TRAF3IP1: variants seen among roughly 807,000 people sequenced by gnomAD.
TRAF3IP1 encodes TRAF3-interacting protein 1.
Under a neutral mutation model 89.9 loss-of-function variants are expected in TRAF3IP1, and 53 were observed. The observed-to-expected ratio is 0.59, with a 90% CI of 0.47 to 0.74. The LOEUF (loss-of-function observed/expected upper bound fraction) is 0.74, where lower values mean the gene tolerates loss of function less well. TRAF3IP1 is among the 30% of genes least tolerant of loss of function. The pLI, the probability that TRAF3IP1 is intolerant of heterozygous loss-of-function variation, is 0.00. For missense variants in TRAF3IP1, 806 were observed against 866.1 expected, an observed-to-expected ratio of 0.93 and a Z score of 0.87; for synonymous variants, 311 against 322.1, an observed-to-expected ratio of 0.97 and a Z score of 0.37.
chr2:238,388,317 G>A (rs1389420076), intron 15 of TRAF3IP1, among the ~76,000 whole-genome samples: 4 of 150,082 alleles, frequency 2.7e-5, no homozygotes, highest in Non-Finnish European at 4.4e-5. Context: ...GGAAGTTGCA[G>A]TGAGCTGAGA....
chr2:238,356,776 A>G (rs1349452270), intron 15 of TRAF3IP1, among the ~76,000 whole-genome samples: 1 of 146,294 alleles, frequency 6.8e-6, no homozygotes, highest in Non-Finnish European at 1.5e-5. Context: ...AGAGACTGGG[A>G]ATTTTTTTTT....
Position 238,351,854 on chromosome 2 carries a change from TGTGTGTGTGTGTGC to T in TRAF3IP1, c.1452-971_1452-958del, listed in dbSNP as rs1205121957. ...ATTTTGGTGTGTGTGTGTGTGTGTGTGTGTGTGTGTGTGCGCGCGCGCGCGTGTGCGTGCATGTG... is the reference window on the plus strand; with the variant it reads ...ATTTTGGTGTGTGTGTGTGTGTGTGTGCGCGCGCGCGTGTGCGTGCATGTG... On this transcript the variant is annotated intron_variant, in intron 12 of 16. Coordinates refer to ENST00000373327, the MANE Select transcript of TRAF3IP1 (RefSeq NM_015650.4). The surrounding 1 kb of genome is among the most constrained non-coding windows in gnomAD (Gnocchi z 5.2). Among the ~76,000 whole-genome samples the T allele has an allele frequency of 1.5e-4, 17 of 116,308 alleles. No homozygotes were observed. Among genetic ancestry groups the T allele is most frequent in the Admixed American group, 8.7e-4 (11 of 12,600 alleles). The allele number at this position is 116,308 out of a possible 152,430, so 76.3% of individuals were successfully genotyped here.
At position 238,349,364 on chromosome 2, in the gene TRAF3IP1, C is replaced by G. The variant is rs548950530; in HGVS notation, c.1407C>G (p.Pro469=). 3.4e-4 allele frequency: 545 copies of G among 1,614,142 alleles called. 7 individuals are homozygous for G. In the South Asian group the frequency reaches 5.8e-3, roughly 17 times the overall value. ...CTGGGAGTGCAAGACCAGCCCCTCCCCGGGTCAAACGGCAAGACAGCATGG... is the reference window on the plus strand; with the variant it reads ...CTGGGAGTGCAAGACCAGCCCCTCCGCGGGTCAAACGGCAAGACAGCATGG... ...PRPGSARPAP[P]RVKRQDSMEA... The change falls in exon 12 of 17, where the codon CCC becomes CCG. Residue 469 remains proline, a synonymous_variant. Coordinates refer to ENST00000373327, the MANE Select transcript of TRAF3IP1 (RefSeq NM_015650.4).
rs1177392173 is a variant in TRAF3IP1 at position 238,352,993 on chromosome 2, A to C, written c.1575+43A>C. On this transcript the variant is annotated intron_variant, in intron 13 of 16. Coordinates refer to ENST00000373327, the MANE Select transcript of TRAF3IP1 (RefSeq NM_015650.4). ...TGATGTTTTTTAATAATAATGTTTT[A>C]CCTTCATTGAGATTAATAGTCTAGC... is the stretch of plus-strand genomic sequence containing the variant. 4 of 1,575,118 alleles carry C rather than the reference A, an allele frequency of 2.5e-6. No homozygotes were observed. The African/African-American group carries it at 4.1e-5, about 16-fold the overall frequency.
At chr2:238,389,054 T>G (rs779519485) in intron 15 of TRAF3IP1, among the ~76,000 whole-genome samples, 18 of 152,074 alleles carry the variant, frequency 1.2e-4, no homozygotes, top group Non-Finnish European at 2.6e-4. Context: ...CTACAATTAA[T>G]CAGGCTTTTG....
intron 15 of TRAF3IP1, among the ~76,000 whole-genome samples, chr2:238,371,116 A>T (rs1350728566): frequency 6.6e-6 from 1 of 152,258 alleles, no homozygotes; most frequent in Non-Finnish European, 1.5e-5. Context: ...GATCTCAGTT[A>T]ATGCGACATT....
chr2:238,329,035 A>G lies in TRAF3IP1; in HGVS notation c.608A>G (p.Lys203Arg). Residue 203 changes from lysine (K) to arginine (R), a missense_variant, in exon 5 of 17, where the codon AAG (lysine) becomes AGG (arginine). By Grantham distance (26) the Lys-to-Arg change is conservative (BLOSUM62 2). Around this residue, in one of 3 missense-constraint regions of TRAF3IP1, gnomAD observed 732 missense variants for 780.5 expected, o/e 0.94. Transcript: ENST00000373327. Reference protein sequence around the residue: ...KPREKDKDKEKAKENGGNRHR... With the variant: ...KPREKDKDKERAKENGGNRHR... Reference sequence around the variant, plus strand: ...AGAGAAAAGGACAAGGACAAGGAGAAGGCCAAGGAGAATGGCGGAAACAGA... The same window carrying G: ...AGAGAAAAGGACAAGGACAAGGAGAGGGCCAAGGAGAATGGCGGAAACAGA... 1.9e-6 allele frequency: 3 copies of G among 1,551,840 alleles called. No homozygotes were observed. The highest frequency in any genetic ancestry group is 2.6e-6 in the Non-Finnish European group (3 of 1,147,094).
intron 15 of TRAF3IP1, among the ~76,000 whole-genome samples, chr2:238,369,646 G>C (rs1299231941): frequency 6.6e-6 from 1 of 152,182 alleles, no homozygotes; most frequent in Non-Finnish European, 1.5e-5. Context: ...GCGTCTTGCT[G>C]AGTGGTTCAA....
chr2:238,359,022 G>A (rs1233213892), intron 15 of TRAF3IP1, among the ~76,000 whole-genome samples: 5 of 152,204 alleles, frequency 3.3e-5, no homozygotes, highest in Admixed American at 2.0e-4. Flanking sequence ...GAATGCAGCC[G>A]CAGCATTAGA....
At chr2:238,331,268 G>A (rs1288097769) in intron 5 of TRAF3IP1, among the ~76,000 whole-genome samples, 1 of 148,752 alleles carries the variant, frequency 6.7e-6, no homozygotes, top group East Asian at 2.0e-4. Context: ...AGACCATCCT[G>A]GCCAACACGG....
chr2:238,383,879 C>T, intron 15 of TRAF3IP1, among the ~76,000 whole-genome samples: 1 of 152,216 alleles, frequency 6.6e-6, no homozygotes, highest in South Asian at 2.1e-4. Flanking sequence ...AGTCCGTTTA[C>T]ACTTAGTGCA....
chr2:238,380,135 T>C (rs1700484343), intron 15 of TRAF3IP1, among the ~76,000 whole-genome samples: 1 of 152,166 alleles, frequency 6.6e-6, no homozygotes, highest in African/African-American at 2.4e-5. Context: ...AGAGAGTGTT[T>C]CTGAAATGCT....
rs1322814318 is a variant in TRAF3IP1, at chr2:238,344,605, A to G, written c.1261+7A>G. 2 of 1,612,990 alleles carry G rather than the reference A, an allele frequency of 1.2e-6. No individual in the cohort carries two copies. The highest frequency in any genetic ancestry group is 2.2e-5 in the East Asian group (1 of 44,902). On this transcript the variant is annotated splice_region_variant and intron_variant, in intron 9 of 16. Transcript: ENST00000373327. ...CCCACAGAGAAGCAGAAAGGTAAGAATGGTCCAGTTTCGCCCTTTCCTGGC... is the reference window on the plus strand; with the variant it reads ...CCCACAGAGAAGCAGAAAGGTAAGAGTGGTCCAGTTTCGCCCTTTCCTGGC...
chr2:238,339,086 G>C (rs1399945085), intron 8 of TRAF3IP1, among the ~76,000 whole-genome samples: 1 of 152,106 alleles, frequency 6.6e-6, no homozygotes, highest in African/African-American at 2.4e-5. Flanking sequence ...ATTTTTGCTG[G>C]GCCCAACTTG....
intron 15 of TRAF3IP1, among the ~76,000 whole-genome samples, chr2:238,377,230 CTTTTTTTTTT>C (rs71402784): frequency 1.5e-4 from 13 of 86,708 alleles, no homozygotes; most frequent in East Asian, 7.1e-4. Flanking sequence ...TCCTGATTTT[CTTTTTTTTTT>C]TTTTTTTTTT....
intron 4 of TRAF3IP1, 27 bp downstream of exon 4, chr2:238,328,856 A>C: frequency 6.2e-7 from 1 of 1,601,598 alleles, no homozygotes; most frequent in Non-Finnish European, 8.5e-7. Flanking sequence ...ACATCTTTGA[A>C]AATGAAATAG....
In TRAF3IP1 at chr2:238,351,748, C is replaced by T. The variant is rs1007137433; in HGVS notation, c.1452-1079C>T. ...TTGAGGAAGTCGAGGATGTTTGGGG[C>T]AATGGGTGTTATTTTCAGAGGTCGT... is the stretch of plus-strand genomic sequence containing the variant. On this transcript the variant is annotated intron_variant, in intron 12 of 16. Coordinates refer to ENST00000373327, the MANE Select transcript of TRAF3IP1 (RefSeq NM_015650.4). This position sits in a 1 kb window ranked among gnomAD's most constrained non-coding sequence, Gnocchi z 5.2. Among the ~76,000 whole-genome samples the T allele has an allele frequency of 4.6e-5, 7 of 152,144 alleles. No homozygotes were observed. In the East Asian group the frequency reaches 1.4e-3, roughly 29 times the overall value.
At chr2:238,364,278 A>G (rs1006101174) in intron 15 of TRAF3IP1, among the ~76,000 whole-genome samples, 5 of 152,224 alleles carry the variant, frequency 3.3e-5, no homozygotes, top group African/African-American at 1.2e-4. Context: ...GGACTTGAAT[A>G]ATACATTATA....
In TRAF3IP1 at chr2:238,325,879, T is replaced by A. The variant is rs137999499; in HGVS notation, c.263T>A (p.Leu88Gln). 2.6e-4 allele frequency: 420 copies of A among 1,614,106 alleles called. No individual in the cohort carries two copies. Among genetic ancestry groups the A allele is most frequent in the Non-Finnish European group, 3.3e-4 (392 of 1,180,034 alleles). The change falls in exon 3 of 17, where the codon CTG becomes CAG. Residue 88 changes from leucine (L) to glutamine (Q), a missense_variant. Coordinates refer to ENST00000373327, the MANE Select transcript of TRAF3IP1 (RefSeq NM_015650.4). The part of the protein sequence containing the change: ...DVVVMVSGEP[L>Q]LAKPARIVAG... ...GTTGTAATGGTGTCGGGAGAGCCACTGTTGGCCAAACCAGCCCGAATCGTG... is the reference window on the plus strand; with the variant it reads ...GTTGTAATGGTGTCGGGAGAGCCACAGTTGGCCAAACCAGCCCGAATCGTG...
Sources: gnomAD v4.1 joint callset for allele counts (sites outside exome capture counted in the v4.1 genomes callset) on GRCh38, gnomAD v4.1.1 for gene constraint, gnomAD v4.1.1 regional missense constraint, Gnocchi (gnomAD v3.1) non-coding constraint, MANE v1.5 for transcripts, NCBI Gene and HGNC (gene_info 2026-07-23, HGNC 2026-07-21) for gene names.